JAKMIP3: variants seen among roughly 807,000 people sequenced by gnomAD.
JAKMIP3 encodes janus kinase and microtubule-interacting protein 3.
A neutral mutation model predicts 118.5 loss-of-function variants in JAKMIP3; 58 were observed. That is an observed-to-expected ratio of 0.49 (90% CI 0.40 to 0.61). The LOEUF is 0.61. JAKMIP3 is among the 20% of genes least tolerant of loss of function. The pLI, the probability that JAKMIP3 is intolerant of heterozygous loss-of-function variation, is 0.00. For synonymous variants in JAKMIP3, 486 were observed against 451.2 expected (o/e 1.08, Z -0.98); for missense variants, 950 against 1,109.0 (o/e 0.86, Z 2.04).
chr10:132,134,953 G>A (rs2051443359), intron 4 of JAKMIP3, 88 bp from the exon 5 acceptor site: 1 of 1,529,090 alleles, frequency 6.5e-7, no homozygotes, highest in South Asian at 1.2e-5. Context: ...CCACGGCAGC[G>A]TTTTTGTTCC....
At chr10:132,095,833 A>G (rs1176740593) in intron 1 of JAKMIP3, among the ~76,000 whole-genome samples, 1 of 152,190 alleles carries the variant, frequency 6.6e-6, no homozygotes, top group Non-Finnish European at 1.5e-5. Context: ...TGGGAAGAGC[A>G]TTCTCTGTGA....
chr10:132,098,941 C>A (rs1477257320), intron 1 of JAKMIP3, among the ~76,000 whole-genome samples: 4 of 152,192 alleles, frequency 2.6e-5, no homozygotes, highest in Non-Finnish European at 4.4e-5. Context: ...GGGACCCGAA[C>A]CTTGGACTTC....
intron 23 of JAKMIP3, among the ~76,000 whole-genome samples, chr10:132,176,727 G>C (rs928073266): frequency 6.6e-6 from 1 of 152,050 alleles, no homozygotes; most frequent in Non-Finnish European, 1.5e-5. Flanking sequence ...TCAGCCATGT[G>C]CACCCTCCAA....
At chr10:132,172,592 G>T (rs950210417) in intron 23 of JAKMIP3, among the ~76,000 whole-genome samples, 1 of 151,766 alleles carries the variant, frequency 6.6e-6, no homozygotes, top group Non-Finnish European at 1.5e-5. Context: ...CTTATGTATC[G>T]CACTGTATGC....
intron 1 of JAKMIP3, among the ~76,000 whole-genome samples, chr10:132,048,838 C>T (rs1428171603): frequency 6.6e-6 from 1 of 152,026 alleles, no homozygotes; most frequent in Admixed American, 6.6e-5. Context: ...GACAAGGCTT[C>T]ACCGTGTTAG....
intron 19 of JAKMIP3, among the ~76,000 whole-genome samples, chr10:132,159,640 TGGGGGGCCTCTCCCTGTGTGATGCTG>T (rs1242250910): frequency 8.0e-4 from 24 of 30,088 alleles, no homozygotes; most frequent in African/African-American, 1.9e-3. Context: ...TTTGTGATGC[TGGGGGGCCTCTCCCTGTGTGATGCTG>T]GGGGGTCCTC....
intron 2 of JAKMIP3, among the ~76,000 whole-genome samples, chr10:132,110,518 G>A (rs144221160): frequency 1.4e-3 from 216 of 152,364 alleles, no homozygotes; most frequent in African/African-American, 4.6e-3. Context: ...CTGGACTGCC[G>A]TGCAGTGGGG....
intron 1 of JAKMIP3, among the ~76,000 whole-genome samples, chr10:132,047,316 T>C (rs906247781): frequency 2.0e-5 from 3 of 152,222 alleles, no homozygotes; most frequent in Non-Finnish European, 2.9e-5. Context: ...TGGGTTATAG[T>C]GTCTGGTGCA....
chr10:132,058,585 C>T (rs934802919), intron 1 of JAKMIP3, among the ~76,000 whole-genome samples: 2 of 152,214 alleles, frequency 1.3e-5, no homozygotes, highest in Non-Finnish European at 2.9e-5. Context: ...TCAGCAATGA[C>T]TCATTTGCCG....
chr10:132,151,141 T>C (rs549700909), intron 16 of JAKMIP3, among the ~76,000 whole-genome samples: 2 of 152,200 alleles, frequency 1.3e-5, no homozygotes, highest in Admixed American at 1.3e-4. Context: ...TCATCCTCCA[T>C]TCATTCATCC....
intron 2 of JAKMIP3, among the ~76,000 whole-genome samples, chr10:132,113,989 C>A (rs1487870853): frequency 6.6e-6 from 1 of 152,202 alleles, no homozygotes. Context: ...TTTGTTCTGG[C>A]CAGTGTAGCA....
chr10:132,047,403 T>G (rs2037949638), intron 1 of JAKMIP3, among the ~76,000 whole-genome samples: 2 of 152,130 alleles, frequency 1.3e-5, no homozygotes, highest in Non-Finnish European at 2.9e-5. Flanking sequence ...AGTGGAGGAG[T>G]AGGGCATGAC....
At chr10:132,078,947 A>G (rs969752577) in intron 1 of JAKMIP3, among the ~76,000 whole-genome samples, 3 of 152,170 alleles carry the variant, frequency 2.0e-5, no homozygotes, top group Non-Finnish European at 4.4e-5. Flanking sequence ...GTCTGACTGC[A>G]CAGGCCGTCA....
At chr10:132,082,792 A>G (rs902736619) in intron 1 of JAKMIP3, among the ~76,000 whole-genome samples, 2 of 151,992 alleles carry the variant, frequency 1.3e-5, no homozygotes, top group Non-Finnish European at 2.9e-5. Flanking sequence ...TATATTTTTA[A>G]TAGAGACAGA....
At chr10:132,075,927 C>G (rs926282562) in intron 1 of JAKMIP3, among the ~76,000 whole-genome samples, 3 of 52,136 alleles carry the variant, frequency 5.8e-5, no homozygotes, top group African/African-American at 2.4e-4. Flanking sequence ...TAGTGTAGGT[C>G]TGTGGGCCAC....
At chr10:132,106,784 C>T (rs1372028949) in intron 2 of JAKMIP3, among the ~76,000 whole-genome samples, 1 of 152,250 alleles carries the variant, frequency 6.6e-6, no homozygotes, top group Admixed American at 6.5e-5. Context: ...TCAGACATGG[C>T]TGTCGTCTTC....
upstream of JAKMIP3, among the ~76,000 whole-genome samples, chr10:132,065,380 T>G (rs923733724): frequency 1.3e-5 from 2 of 152,058 alleles, no homozygotes; most frequent in Non-Finnish European, 2.9e-5. The surrounding 1 kb of genome is among the most constrained non-coding windows in gnomAD (Gnocchi z 5.6). Context: ...GTGTTGAGTG[T>G]GTGCAAATCC....
chr10:132,076,310 T>G (rs9419348), intron 1 of JAKMIP3, among the ~76,000 whole-genome samples: 23,839 of 152,292 alleles, frequency 0.16, 2,173 homozygotes, highest in East Asian at 0.31. Flanking sequence ...GTTTTCCGAG[T>G]TCATCTGTGT....
chr10:132,098,173 C>T lies in JAKMIP3; in HGVS notation c.-137-6499C>T, dbSNP rs541661118. On this transcript the variant is annotated intron_variant, in intron 1 of 23. Transcript: ENST00000684848. ...GCCTCAGCCTCCCAGGGAGCTGGGACCACAGGTGCCCACCTGGTTAATTTA... is the reference window on the plus strand; with the variant it reads ...GCCTCAGCCTCCCAGGGAGCTGGGATCACAGGTGCCCACCTGGTTAATTTA... Among the ~76,000 whole-genome samples the T allele has an allele frequency of 1.2e-3, 183 of 151,760 alleles. 1 individual carries two copies. The highest frequency in any genetic ancestry group is 4.4e-3 in the African/African-American group (181 of 41,404).
Sources: allele counts gnomAD v4.1 joint callset (sites outside exome capture counted in the v4.1 genomes callset), GRCh38; gene constraint gnomAD v4.1.1; non-coding constraint Gnocchi (gnomAD v3.1); transcripts MANE v1.5; gene names NCBI Gene and HGNC (gene_info 2026-07-23, HGNC 2026-07-21).